Variants in GGT7 observed in about 807,000 individuals in gnomAD.
The protein encoded by GGT7 is glutathione hydrolase 7.
In GGT7, 30 loss-of-function variants were observed where a neutral mutation model predicts 69.2. That is an observed-to-expected ratio of 0.43 (90% confidence interval 0.32 to 0.59). The LOEUF (loss-of-function observed/expected upper bound fraction) is 0.59, where lower values mean the gene tolerates loss of function less well. Among genes scored for constraint, GGT7 ranks in the 20% least tolerant of loss-of-function variants. The probability of loss-of-function intolerance (pLI) is 0.05; values close to 1 mark genes in which losing one functional copy is unlikely to be tolerated. For missense variants in GGT7, 733 were observed against 901.1 expected, an observed-to-expected ratio of 0.81 and a Z score of 2.39; for synonymous variants, 388 against 391.8, an observed-to-expected ratio of 0.99 and a Z score of 0.12.
intron 12 of GGT7, 144 bp from the exon 13 acceptor site, chr20:34,851,512 A>G: frequency 1.2e-6 from 1 of 807,814 alleles, no homozygotes. Flanking sequence ...CCCTTCCCAG[A>G]CAACAGTTTG....
intron 14 of GGT7, among the ~76,000 whole-genome samples, chr20:34,845,840 A>G (rs2146876248): frequency 6.6e-6 from 1 of 152,218 alleles, no homozygotes; most frequent in African/African-American, 2.4e-5. Flanking sequence ...TGGGAGGATC[A>G]CTTGAGCCCA....
chr20:34,862,743 C>T, intron 3 of GGT7, 71 bp downstream of exon 3: 1 of 1,462,370 alleles, frequency 6.8e-7, no homozygotes, highest in Non-Finnish European at 9.6e-7. Flanking sequence ...GTTAGGAGTG[C>T]TGCACATGAG....
Position 34,863,396 on chromosome 20 carries a change from T to C in GGT7, c.322A>G (p.Thr108Ala). The change falls in exon 2 of 15, where the codon ACG becomes GCG. Residue 108 changes from threonine to alanine, a missense_variant. Coordinates refer to ENST00000336431, the MANE Select transcript of GGT7 (RefSeq NM_178026.3). This position sits in a 1 kb window ranked among gnomAD's most constrained non-coding sequence, Gnocchi z 4.4. ...GTGAGACAGGCCGTGACGATGACCG[T>C]GAGCCCATCCTGGCGGCAGGAGCAC... ...AECSCRQDGL[T>A]VIVTACLTFA... is the part of the protein sequence containing the mutation. 6.2e-7 allele frequency: 1 copy of C among 1,613,998 alleles called. No homozygotes were observed. Among genetic ancestry groups the C allele is most frequent in the African/African-American group, 1.3e-5 (1 of 75,040 alleles).
chr20:34,861,863 C>T (rs2079601392), intron 3 of GGT7, among the ~76,000 whole-genome samples: 1 of 152,056 alleles, frequency 6.6e-6, no homozygotes, highest in African/African-American at 2.4e-5. Context: ...TGCCCCATGC[C>T]CCCACCCTGG....
At chr20:34,850,137 G>A in intron 13 of GGT7, 77 bp from the exon 14 acceptor site, 1 of 998,662 alleles carries the variant, frequency 1.0e-6, no homozygotes. Context: ...CTCACCCTTG[G>A]TCCAGGCTCC....
chr20:34,854,722 G>A lies in GGT7; in HGVS notation c.1230+74C>T, dbSNP rs1163567644. The A allele has an allele frequency of 1.4e-5, 23 of 1,598,864 alleles. No homozygotes were observed. The East Asian group carries it at 4.2e-4, about 29-fold the overall frequency. Reference sequence around the variant, plus strand: ...GAAAACTTGGAGGGGATTTAGTCCTGCCCTATGGCAGTACCCAATCTCCCC... The same window carrying A: ...GAAAACTTGGAGGGGATTTAGTCCTACCCTATGGCAGTACCCAATCTCCCC... On this transcript the variant is annotated intron_variant, in intron 9 of 14. Coordinates refer to ENST00000336431, the MANE Select transcript of GGT7 (RefSeq NM_178026.3).
chr20:34,847,434 C>T (rs1000027101), intron 14 of GGT7, among the ~76,000 whole-genome samples: 20 of 152,182 alleles, frequency 1.3e-4, no homozygotes, highest in South Asian at 2.1e-4. Flanking sequence ...CACATCCTAC[C>T]GCTTCTCAAT....
At chr20:34,848,790 T>C (rs2079340081) in intron 14 of GGT7, among the ~76,000 whole-genome samples, 1 of 152,214 alleles carries the variant, frequency 6.6e-6, no homozygotes, top group South Asian at 2.1e-4. Flanking sequence ...TCTTCCTCTA[T>C]AGAATGGGGA....
At chr20:34,864,458 A>C (rs1478475444) in intron 1 of GGT7, among the ~76,000 whole-genome samples, 1 of 152,180 alleles carries the variant, frequency 6.6e-6, no homozygotes, top group East Asian at 1.9e-4. Flanking sequence ...CAGTGGCTCA[A>C]TCTTGTAATC....
Position 34,862,826 on chromosome 20 carries a change from G to C in GGT7, c.545C>G (p.Ser182Cys). 6.2e-7 allele frequency: 1 copy of C among 1,614,068 alleles called. No homozygotes were observed. The highest frequency in any genetic ancestry group is 8.5e-7 in the Non-Finnish European group (1 of 1,179,992). The stretch of plus-strand genomic sequence containing the variant: ...CACTGCTCCTTACCCGCCCAGGCCA[G>C]AACTGTGTGGAGCCACGATACCCAA... The part of the protein sequence containing the change: ...LCLGIVAPHS[S>C]GLGGGGVMLV... The change falls in exon 3 of 15, where the codon TCT (serine) becomes TGT (cysteine). Residue 182 changes from serine (S) to cysteine (C), a missense_variant. By Grantham distance (112) the Ser-to-Cys change is moderately radical (BLOSUM62 -1). Coordinates refer to ENST00000336431, the MANE Select transcript of GGT7 (RefSeq NM_178026.3).
chr20:34,865,780 T>C (rs2079680655), intron 1 of GGT7, among the ~76,000 whole-genome samples: 1 of 152,196 alleles, frequency 6.6e-6, no homozygotes, highest in South Asian at 2.1e-4. Flanking sequence ...CCCTCTTCCA[T>C]CCCATAGCTC....
At position 34,862,938 on chromosome 20, in the gene GGT7, C is replaced by A; in HGVS notation, c.433G>T (p.Asp145Tyr). The A allele has an allele frequency of 6.2e-7, 1 of 1,613,626 alleles. No homozygotes were observed. The highest frequency in any genetic ancestry group is 8.5e-7 in the Non-Finnish European group (1 of 1,179,806). Residue 145 changes from aspartate to tyrosine, a missense_variant, in exon 3 of 15, where the codon GAT (aspartate) becomes TAT (tyrosine). Asp to Tyr is a radical substitution (Grantham distance 160). Transcript: ENST00000336431. ...QIFQQGAVVT[D>Y]AARCTSLGIE... ...CCCAGTGAAGTGCAGCGGGCAGCATCGGTCACCACGGCACCCTGCTGGAAG... is the reference window on the plus strand; with the variant it reads ...CCCAGTGAAGTGCAGCGGGCAGCATAGGTCACCACGGCACCCTGCTGGAAG...
At position 34,863,343 on chromosome 20, in the gene GGT7, C is replaced by T; in HGVS notation, c.375G>A (p.Leu125=). The T allele has an allele frequency of 1.9e-6, 3 of 1,613,822 alleles. No individual in the cohort carries two copies. Among genetic ancestry groups the T allele is most frequent in the Non-Finnish European group, 2.5e-6 (3 of 1,179,824 alleles). ...GGTCCCCGAAGTAGATCTGCATGAC[C>T]AGCGCCACGGTGACACCGGTAGCGA... ...LTFATGVTVA[L]VMQIYFGDPQ... The change falls in exon 2 of 15, where the codon CTG becomes CTA. Residue 125 remains leucine (L), a synonymous_variant. Transcript: ENST00000336431. The surrounding 1 kb of genome is among the most constrained non-coding windows in gnomAD (Gnocchi z 4.4).
intron 1 of GGT7, among the ~76,000 whole-genome samples, chr20:34,868,367 G>C (rs563835776): frequency 6.6e-6 from 1 of 152,338 alleles, no homozygotes; most frequent in African/African-American, 2.4e-5. Context: ...TGATTTTACT[G>C]ATAGGGAAGA....
At chr20:34,851,639 G>A (rs2079395109) in intron 12 of GGT7, among the ~76,000 whole-genome samples, 1 of 152,216 alleles carries the variant, frequency 6.6e-6, no homozygotes, top group African/African-American at 2.4e-5. Context: ...AGCCAAGAAA[G>A]ATGGCAATGG....
rs763595297 is a variant in GGT7, at chr20:34,845,307, A to T, written c.*21T>A. 2 of 1,601,182 alleles carry T rather than the reference A, an allele frequency of 1.2e-6. No homozygotes were observed. Among genetic ancestry groups the T allele is most frequent in the East Asian group, 4.5e-5 (2 of 44,680 alleles). On this transcript the variant is annotated 3_prime_UTR_variant, in exon 15 of 15. Transcript: ENST00000336431. Reference sequence around the variant, plus strand: ...GAACATGCAAAGTGGGGGAGCAGAGACCCCGCCCCACCCCGCTGCTCTACA... The same window carrying T: ...GAACATGCAAAGTGGGGGAGCAGAGTCCCCGCCCCACCCCGCTGCTCTACA...
In GGT7 at chr20:34,863,459, C is replaced by T; in HGVS notation, c.259G>A (p.Glu87Lys). The T allele has an allele frequency of 2.5e-6, 4 of 1,611,212 alleles. No homozygotes were observed. Among genetic ancestry groups the T allele is most frequent in the Non-Finnish European group, 3.4e-6 (4 of 1,179,134 alleles). The change falls in exon 2 of 15, where the codon GAG becomes AAG. Residue 87 changes from glutamate (E) to lysine (K), a missense_variant. Physicochemically the swap from Glu to Lys is moderately conservative, Grantham distance 56. Coordinates refer to ENST00000336431, the MANE Select transcript of GGT7 (RefSeq NM_178026.3). This position sits in a 1 kb window ranked among gnomAD's most constrained non-coding sequence, Gnocchi z 4.4. Reference sequence around the variant, plus strand: ...GCGGAGAACGGGTCTTTGCGCGTCTCGCGTAGCGGCGACCCGTCTTGGCTG... The same window carrying T: ...GCGGAGAACGGGTCTTTGCGCGTCTTGCGTAGCGGCGACCCGTCTTGGCTG... Reference protein sequence around the residue: ...MGSQDGSPLRETRKDPFSAAA... With the variant: ...MGSQDGSPLRKTRKDPFSAAA...
Position 34,859,545 on chromosome 20 carries a change from C to T in GGT7, c.912G>A (p.Leu304=), listed in dbSNP as rs142128804. 6 of 1,612,420 alleles carry T rather than the reference C, an allele frequency of 3.7e-6. No homozygotes were observed. In the African/African-American group the frequency reaches 6.7e-5, roughly 18 times the overall value. The change falls in exon 7 of 15, where the codon TTG becomes TTA. Residue 304 remains leucine (L), a synonymous_variant. Coordinates refer to ENST00000336431, the MANE Select transcript of GGT7 (RefSeq NM_178026.3). The stretch of plus-strand genomic sequence containing the variant: ...CCTCAGCCAGGTCGGGCCGATGCAG[C>T]AACGAGCCAGGTAGTGGCGGGCGGC... ...PSGRPPLPGS[L]LHRPDLAEVL...
intron 1 of GGT7, among the ~76,000 whole-genome samples, chr20:34,869,698 G>C (rs760690817): frequency 1.3e-5 from 2 of 152,172 alleles, no homozygotes; most frequent in African/African-American, 2.4e-5. Flanking sequence ...TCACCATTTG[G>C]AAATGAGAAG....
Sources: allele counts gnomAD v4.1 joint callset (sites outside exome capture counted in the v4.1 genomes callset), GRCh38; gene constraint gnomAD v4.1.1; non-coding constraint Gnocchi (gnomAD v3.1); transcripts MANE v1.5; gene names NCBI Gene and HGNC (gene_info 2026-07-23, HGNC 2026-07-21).